The following SLC8A1 variants were observed in gnomAD, a reference collection of about 807,000 sequenced individuals.
SLC8A1 encodes the protein solute carrier family 8 member A1.
A neutral mutation model predicts 68.3 loss-of-function variants in SLC8A1; 18 were observed. The ratio of observed to expected loss-of-function variants is 0.26; its 90% confidence interval spans 0.18 to 0.39. The LOEUF (loss-of-function observed/expected upper bound fraction) is 0.39, where lower values mean the gene tolerates loss of function less well. Among genes scored for constraint, SLC8A1 ranks in the 10% least tolerant of loss-of-function variants. The pLI, the probability that SLC8A1 is intolerant of heterozygous loss-of-function variation, is 1.00. For synonymous variants in SLC8A1, 475 were observed against 415.5 expected, an observed-to-expected ratio of 1.14 and a Z score of -1.74; for missense variants, 985 against 1,156.7, an observed-to-expected ratio of 0.85 and a Z score of 2.15.
At chr2:40,136,434 C>A (rs1285894284) in intron 7 of SLC8A1, among the ~76,000 whole-genome samples, 4 of 152,100 alleles carry the variant, frequency 2.6e-5, no homozygotes, top group Non-Finnish European at 5.9e-5. Context: ...GATATTAATT[C>A]CTTCCTTGAG....
At chr2:40,149,883 A>G (rs181189302) in intron 6 of SLC8A1, among the ~76,000 whole-genome samples, 41 of 152,218 alleles carry the variant, frequency 2.7e-4, no homozygotes, top group African/African-American at 9.6e-4. Context: ...GTCAGTAGGT[A>G]ACATCAGAGG....
intron 2 of SLC8A1, among the ~76,000 whole-genome samples, chr2:40,424,283 T>A (rs1005823545): frequency 6.6e-6 from 1 of 151,848 alleles, no homozygotes; most frequent in African/African-American, 2.4e-5. Context: ...CATCTGGCTG[T>A]CTTATTGTAT....
chr2:40,433,242 C>T (rs529045564), intron 1 of SLC8A1, among the ~76,000 whole-genome samples: 1 of 152,146 alleles, frequency 6.6e-6, no homozygotes, highest in Admixed American at 6.5e-5. Flanking sequence ...TTTCTAAGAC[C>T]TTTTATGATC....
chr2:40,119,528 A>C (rs1485485377), intron 7 of SLC8A1, among the ~76,000 whole-genome samples: 1 of 152,174 alleles, frequency 6.6e-6, no homozygotes, highest in South Asian at 2.1e-4. Context: ...TACTTTGAAC[A>C]CTAAGCCTGT....
chr2:40,212,025 T>C (rs1558773827), intron 2 of SLC8A1, among the ~76,000 whole-genome samples: 1 of 152,188 alleles, frequency 6.6e-6, no homozygotes, highest in Non-Finnish European at 1.5e-5. Flanking sequence ...AAATAAAACA[T>C]TTTCAATTGT....
At chr2:40,388,401 T>C (rs778095657) in intron 2 of SLC8A1, among the ~76,000 whole-genome samples, 4 of 152,140 alleles carry the variant, frequency 2.6e-5, no homozygotes, top group Non-Finnish European at 5.9e-5. Flanking sequence ...TACTTTTCAT[T>C]CTACAGCATT....
At chr2:40,157,193 C>T (rs1558559964) in intron 6 of SLC8A1, among the ~76,000 whole-genome samples, 1 of 152,126 alleles carries the variant, frequency 6.6e-6, no homozygotes, top group East Asian at 1.9e-4. Flanking sequence ...GAATTGCCTC[C>T]CAAACAACCA....
exon 2 of SLC8A1, chr2:40,430,203 TAAG>T: frequency 1.9e-6 from 3 of 1,613,650 alleles, no homozygotes; most frequent in Non-Finnish European, 2.5e-6. Flanking sequence ...CATGGGAAAA[TAAG>T]AGACTCACAG....
chr2:40,443,642 C>T (rs1246551113), intron 1 of SLC8A1, among the ~76,000 whole-genome samples: 1 of 152,162 alleles, frequency 6.6e-6, no homozygotes. Context: ...TTCTACCACA[C>T]TTATAGGGTC....
intron 2 of SLC8A1, among the ~76,000 whole-genome samples, chr2:40,371,880 A>G (rs1246312769): frequency 6.6e-6 from 1 of 152,078 alleles, no homozygotes; most frequent in Non-Finnish European, 1.5e-5. Flanking sequence ...TTTACAACAG[A>G]ACCAGGTCCC....
chr2:40,387,738 G>T (rs570794279), intron 2 of SLC8A1, among the ~76,000 whole-genome samples: 1 of 146,504 alleles, frequency 6.8e-6, no homozygotes, highest in East Asian at 1.9e-4. Flanking sequence ...AGGAGTTTGA[G>T]ACCAGCCTGG....
At chr2:40,448,653 AAGTC>A (rs1463431063) in intron 1 of SLC8A1, among the ~76,000 whole-genome samples, 1 of 152,194 alleles carries the variant, frequency 6.6e-6, no homozygotes, top group Non-Finnish European at 1.5e-5. Flanking sequence ...AACCCAGAGA[AAGTC>A]AGGCAGAACG....
chr2:40,321,653 G>C (rs569433265), intron 2 of SLC8A1, among the ~76,000 whole-genome samples: 1 of 152,182 alleles, frequency 6.6e-6, no homozygotes, highest in East Asian at 1.9e-4. Context: ...GAGAAGTGCC[G>C]AGTAAAAGCG....
At chr2:40,201,434 A>G (rs1001633348) in intron 2 of SLC8A1, among the ~76,000 whole-genome samples, 10 of 151,958 alleles carry the variant, frequency 6.6e-5, no homozygotes, top group Admixed American at 1.3e-4. Flanking sequence ...TTTTAATGCT[A>G]ATGTTTGTTT....
At chr2:40,450,524 A>C (rs1445981203) in intron 1 of SLC8A1, among the ~76,000 whole-genome samples, 1 of 152,162 alleles carries the variant, frequency 6.6e-6, no homozygotes, top group Non-Finnish European at 1.5e-5. Flanking sequence ...CAATGCCTTT[A>C]ACCAGATCTG....
chr2:40,265,603 G>C (rs1013392953), intron 2 of SLC8A1, among the ~76,000 whole-genome samples: 6 of 152,112 alleles, frequency 3.9e-5, no homozygotes, highest in Non-Finnish European at 8.8e-5. Flanking sequence ...ATAGGATGGA[G>C]GGAGGCCCTT....
At chr2:40,357,591 G>A (rs979740467) in intron 2 of SLC8A1, among the ~76,000 whole-genome samples, 14 of 151,072 alleles carry the variant, frequency 9.3e-5, no homozygotes. Flanking sequence ...TAATGTAGAC[G>A]ACAGGTTGAA....
At chr2:40,417,704 A>G (rs1016770558) in intron 2 of SLC8A1, among the ~76,000 whole-genome samples, 3 of 152,144 alleles carry the variant, frequency 2.0e-5, no homozygotes, top group Non-Finnish European at 4.4e-5. Context: ...GTATGGCCCC[A>G]AAGCGTGGGC....
intron 1 of SLC8A1, among the ~76,000 whole-genome samples, chr2:40,492,699 C>G (rs113632927): frequency 6.7e-6 from 1 of 149,356 alleles, no homozygotes; most frequent in Non-Finnish European, 1.5e-5. Context: ...TGAACAGACA[C>G]TTCTCAAAAG....
Sources: allele counts gnomAD v4.1 joint callset (sites outside exome capture counted in the v4.1 genomes callset), GRCh38; gene constraint gnomAD v4.1.1; transcripts MANE v1.5; gene names NCBI Gene and HGNC (gene_info 2026-07-23, HGNC 2026-07-21).